The following DPF3 variants were observed in gnomAD, a reference collection of about 807,000 sequenced individuals.
DPF3 encodes the protein double PHD fingers 3, also known as zinc finger protein DPF3.
A neutral mutation model predicts 56.8 loss-of-function variants in DPF3; 18 were observed. The ratio of observed to expected loss-of-function variants is 0.32; its 90% CI spans 0.22 to 0.47. The LOEUF is 0.47. DPF3 is among the 20% of genes least tolerant of loss of function. The pLI is 1.00. For synonymous variants in DPF3, 188 were observed against 180.2 expected (o/e 1.04, Z -0.35); for missense variants, 403 against 488.8 (o/e 0.82, Z 1.65).
At chr14:72,799,245 A>G (rs1457672653) in intron 1 of DPF3, among the ~76,000 whole-genome samples, 1 of 151,916 alleles carries the variant, frequency 6.6e-6, no homozygotes, top group Non-Finnish European at 1.5e-5. Context: ...ATACCATTCT[A>G]CCTCCTTCTA....
Position 72,771,723 on chromosome 14 carries a change from C to A in DPF3, c.193+10G>T. ...GCACATGCGCATGTCCCAGGAGTGG[C>A]GCAGCTCACCTGGGCCTCGGTGCCT... On this transcript the variant is annotated intron_variant, in intron 2 of 10. Coordinates refer to ENST00000556509, the MANE Select transcript of DPF3 (RefSeq NM_001280542.3). 2 of 1,607,714 alleles carry A rather than the reference C, an allele frequency of 1.2e-6. No individual in the cohort carries two copies. The highest frequency in any genetic ancestry group is 1.7e-6 in the Non-Finnish European group (2 of 1,177,044).
rs78304511 is a variant in DPF3, at chr14:72,716,194, A to G, written c.526-1693T>C. On this transcript the variant is annotated intron_variant, in intron 5 of 10. Coordinates refer to ENST00000556509, the MANE Select transcript of DPF3 (RefSeq NM_001280542.3). Reference sequence around the variant, plus strand: ...GGAGGAGTCGAGCAGAACTGGATGTACGAGGGCTTCTGGGGGAGCTGCCAG... The same window carrying G: ...GGAGGAGTCGAGCAGAACTGGATGTGCGAGGGCTTCTGGGGGAGCTGCCAG... Among the ~76,000 whole-genome samples, 951 of 152,186 alleles carry G rather than the reference A, an allele frequency of 6.2e-3. 9 individuals carry two copies. Among genetic ancestry groups the G allele is most frequent in the African/African-American group, 0.022 (923 of 41,530 alleles).
intron 1 of DPF3, among the ~76,000 whole-genome samples, chr14:72,883,039 GAA>G (rs1315751650): frequency 6.6e-6 from 1 of 152,206 alleles, no homozygotes; most frequent in African/African-American, 2.4e-5. Flanking sequence ...TGGGATGAAG[GAA>G]CTCCAAAGAG....
At chr14:72,800,738 G>A (rs61986306) in intron 1 of DPF3, among the ~76,000 whole-genome samples, 31 of 86,400 alleles carry the variant, frequency 3.6e-4, no homozygotes, top group Non-Finnish European at 6.4e-4. Context: ...AGATGCATGG[G>A]TGGATGCATG....
chr14:72,629,052 C>G (rs1674923930), intron 9 of DPF3, among the ~76,000 whole-genome samples: 1 of 152,088 alleles, frequency 6.6e-6, no homozygotes, highest in African/African-American at 2.4e-5. Context: ...TATGAGACAA[C>G]TGAGGAAATA....
chr14:72,889,239 G>C (rs1158420387), intron 1 of DPF3, among the ~76,000 whole-genome samples: 1 of 152,194 alleles, frequency 6.6e-6, no homozygotes, highest in Non-Finnish European at 1.5e-5. Flanking sequence ...GCTATTTTCA[G>C]AGGTTTACCC....
At chr14:72,650,781 A>C (rs1248385260) in intron 8 of DPF3, among the ~76,000 whole-genome samples, 1 of 152,120 alleles carries the variant, frequency 6.6e-6, no homozygotes, top group Non-Finnish European at 1.5e-5. Context: ...TAAGAGGACA[A>C]AGGAGGCGTC....
chr14:72,873,210 T>A (rs1885971172), intron 1 of DPF3, among the ~76,000 whole-genome samples: 1 of 150,854 alleles, frequency 6.6e-6, no homozygotes, highest in South Asian at 2.1e-4. Flanking sequence ...TACAATGAAC[T>A]CAAACAAATT....
At chr14:72,809,189 G>A (rs1272724380) in intron 1 of DPF3, among the ~76,000 whole-genome samples, 2 of 152,242 alleles carry the variant, frequency 1.3e-5, no homozygotes, top group African/African-American at 2.4e-5. Context: ...ACAGGGCCAT[G>A]CCCTTGAACT....
intron 1 of DPF3, among the ~76,000 whole-genome samples, chr14:72,799,372 G>A (rs1349369447): frequency 6.6e-6 from 1 of 152,060 alleles, no homozygotes; most frequent in African/African-American, 2.4e-5. Flanking sequence ...TAAGAAAACC[G>A]GCCATGTTCT....
intron 6 of DPF3, 92 bp from the exon 7 acceptor site, chr14:72,693,305 A>C: frequency 1.4e-6 from 2 of 1,425,470 alleles, no homozygotes; most frequent in South Asian, 2.7e-5. Flanking sequence ...GATCCCATCC[A>C]TCCACCCCAG....
chr14:72,752,513 A>C (rs551457987), intron 3 of DPF3, among the ~76,000 whole-genome samples: 35 of 152,260 alleles, frequency 2.3e-4, no homozygotes, highest in South Asian at 2.3e-3. Flanking sequence ...AAACACAAAA[A>C]TTAGCTGGGA....
At chr14:72,863,337 A>C (rs1392183560) in intron 1 of DPF3, among the ~76,000 whole-genome samples, 1 of 151,910 alleles carries the variant, frequency 6.6e-6, no homozygotes, top group Non-Finnish European at 1.5e-5. Flanking sequence ...CAGTGGACTC[A>C]GGAGGAGTTG....
intron 1 of DPF3, among the ~76,000 whole-genome samples, chr14:72,813,396 C>A (rs1014511532): frequency 8.5e-5 from 13 of 152,174 alleles, no homozygotes; most frequent in African/African-American, 3.1e-4. Context: ...AACTGCTGAG[C>A]GCTTGCAGCT....
At chr14:72,874,616 A>G (rs150478932) in intron 1 of DPF3, among the ~76,000 whole-genome samples, 162 of 152,374 alleles carry the variant, frequency 1.1e-3, no homozygotes, top group African/African-American at 3.5e-3. Flanking sequence ...TCGCTAAAAC[A>G]TAACAAGAGT....
chr14:72,874,878 A>G (rs942111649), intron 1 of DPF3, among the ~76,000 whole-genome samples: 5 of 152,284 alleles, frequency 3.3e-5, no homozygotes, highest in Admixed American at 3.3e-4. Context: ...CTCTATTGGT[A>G]CCAATTACTG....
At chr14:72,634,296 G>T (rs767802080) in intron 8 of DPF3, among the ~76,000 whole-genome samples, 1 of 152,140 alleles carries the variant, frequency 6.6e-6, no homozygotes, top group Non-Finnish European at 1.5e-5. Context: ...TAACAGATTT[G>T]CTCCTGCGCC....
At chr14:72,690,068 G>A (rs1887606937) in intron 7 of DPF3, among the ~76,000 whole-genome samples, 1 of 152,112 alleles carries the variant, frequency 6.6e-6, no homozygotes, top group Admixed American at 6.5e-5. Context: ...TCATCAGCAG[G>A]GTGAGAAAGA....
intron 6 of DPF3, among the ~76,000 whole-genome samples, chr14:72,708,188 G>A (rs1245280479): frequency 6.6e-6 from 1 of 152,162 alleles, no homozygotes; most frequent in African/African-American, 2.4e-5. Context: ...AGGAGAGGAG[G>A]CAGAGACAGG....
Sources: allele counts gnomAD v4.1 joint callset (sites outside exome capture counted in the v4.1 genomes callset), GRCh38; gene constraint gnomAD v4.1.1; transcripts MANE v1.5; gene names NCBI Gene and HGNC (gene_info 2026-07-23, HGNC 2026-07-21).